KCNJ12: variants seen among roughly 807,000 people sequenced by gnomAD.
The protein encoded by KCNJ12 is potassium inwardly rectifying channel subfamily J member 12.
KCNJ12 carries 2 observed loss-of-function variants against 22.3 expected under a neutral mutation model. That is an observed-to-expected ratio of 0.09 (90% CI 0.04 to 0.28). The LOEUF is 0.28. KCNJ12 is among the 10% of genes least tolerant of loss of function. KCNJ12 has a pLI of 1.00. For synonymous variants in KCNJ12, 117 were observed against 261.4 expected, an observed-to-expected ratio of 0.45 and a Z score of 5.33; for missense variants, 155 against 633.3, an observed-to-expected ratio of 0.24 and a Z score of 8.11.
At chr17:21,399,475 A>G (rs539117643) in intron 1 of KCNJ12, among the ~76,000 whole-genome samples, 1 of 152,276 alleles carries the variant, frequency 6.6e-6, no homozygotes, top group South Asian at 2.1e-4. Context: ...GTCCTGCTAG[A>G]TCCCAGCTCA....
chr17:21,384,316 C>G (rs1218193150), intron 1 of KCNJ12, among the ~76,000 whole-genome samples: 1 of 152,090 alleles, frequency 6.6e-6, no homozygotes, highest in South Asian at 2.1e-4. Context: ...ACAGAGCCAC[C>G]GAAGTCCGTG....
chr17:21,408,817 C>T (rs1242853090), intron 2 of KCNJ12, among the ~76,000 whole-genome samples, 177 bp downstream of exon 2: 264 of 151,738 alleles, frequency 1.7e-3, no homozygotes, highest in African/African-American at 6.1e-3. Flanking sequence ...CTCCATCCAT[C>T]CCCTCGCCCA....
At chr17:21,389,713 G>A (rs762728022) in intron 1 of KCNJ12, among the ~76,000 whole-genome samples, 5 of 152,094 alleles carry the variant, frequency 3.3e-5, no homozygotes, top group Non-Finnish European at 7.4e-5. Context: ...CTGGCCCCAC[G>A]TGGGGGTTGG....
At chr17:21,406,290 C>T in intron 1 of KCNJ12, among the ~76,000 whole-genome samples, 1 of 150,904 alleles carries the variant, frequency 6.6e-6, no homozygotes, top group Non-Finnish European at 1.5e-5. Context: ...AGGGCTTGCA[C>T]AGTGTTGGCC....
At position 21,400,620 on chromosome 17, in the gene KCNJ12, C is replaced by T. The variant is rs1905553327; in HGVS notation, c.-178-7899C>T. ...GATGGGTGGGCGAGGGGCCAGGCTG[C>T]CCTGTCCTTTCCCGACAAGGCCCTG... On this transcript the variant is annotated intron_variant, in intron 1 of 2. Coordinates refer to ENST00000583088, the MANE Select transcript of KCNJ12 (RefSeq NM_021012.5). 5.9e-5 allele frequency among the ~76,000 whole-genome samples: 9 copies of T among 152,422 alleles called. No individual in the cohort carries two copies. The South Asian group carries it at 1.7e-3, about 28-fold the overall frequency.
intron 1 of KCNJ12, among the ~76,000 whole-genome samples, chr17:21,386,998 C>T (rs1555558726): frequency 6.6e-6 from 1 of 152,202 alleles, no homozygotes; most frequent in East Asian, 1.9e-4. Flanking sequence ...TGCCACCCTG[C>T]ATCCTTTTTC....
At chr17:21,386,447 T>C (rs1378775636) in intron 1 of KCNJ12, among the ~76,000 whole-genome samples, 1 of 152,224 alleles carries the variant, frequency 6.6e-6, no homozygotes, top group Non-Finnish European at 1.5e-5. Context: ...CCCAAGTAGC[T>C]GGGACTACAG....
Position 21,416,999 on chromosome 17 carries a change from C to G in KCNJ12, c.*355C>G, listed in dbSNP as rs1174579796. 3 of 363,502 alleles carry G rather than the reference C, an allele frequency of 8.3e-6. No homozygotes were observed. The highest frequency in any genetic ancestry group is 5.2e-6 in the Non-Finnish European group (1 of 193,046). 22.5% of individuals were successfully genotyped at this position (363,502 alleles called of 1,614,324 possible). A position where few individuals can be genotyped will look rare whatever the true frequency, so the allele number is the denominator to read the frequency against. ...TCTGCTGTCCAAGGCTGGCTAGCTG[C>G]GGTGCTCCTTGCTGGTTTTTAACTT... On this transcript the variant is annotated 3_prime_UTR_variant, in exon 3 of 3. Coordinates refer to ENST00000583088, the MANE Select transcript of KCNJ12 (RefSeq NM_021012.5).
intron 1 of KCNJ12, among the ~76,000 whole-genome samples, chr17:21,392,232 A>C (rs1359682191): frequency 6.6e-6 from 1 of 152,220 alleles, no homozygotes; most frequent in East Asian, 1.9e-4. Flanking sequence ...CCACTGGACC[A>C]CTGGACCTAC....
intron 2 of KCNJ12, among the ~76,000 whole-genome samples, chr17:21,411,719 T>C (rs1490617949): frequency 1.3e-5 from 2 of 152,304 alleles, no homozygotes; most frequent in Non-Finnish European, 2.9e-5. Context: ...ACAGTTTCTC[T>C]GATTTCATGT....
chr17:21,401,310 G>T (rs1905611655), intron 1 of KCNJ12, among the ~76,000 whole-genome samples: 1 of 152,248 alleles, frequency 6.6e-6, no homozygotes, highest in Middle Eastern at 3.2e-3. Flanking sequence ...CTCACACCTG[G>T]CTGTTGTGTG....
intron 1 of KCNJ12, among the ~76,000 whole-genome samples, chr17:21,402,302 C>T (rs1181456441): frequency 1.3e-5 from 2 of 152,294 alleles, no homozygotes; most frequent in African/African-American, 4.8e-5. Flanking sequence ...CTGGAATAGT[C>T]TCCACCCGTC....
chr17:21,395,953 G>A (rs1278067266), intron 1 of KCNJ12, among the ~76,000 whole-genome samples: 1 of 152,200 alleles, frequency 6.6e-6, no homozygotes, highest in Non-Finnish European at 1.5e-5. Flanking sequence ...GCCCTGCTGT[G>A]TGGCTCAGGC....
intron 1 of KCNJ12, among the ~76,000 whole-genome samples, chr17:21,398,736 C>A (rs1440933809): frequency 1.3e-5 from 2 of 152,246 alleles, no homozygotes; most frequent in African/African-American, 4.8e-5. Flanking sequence ...ATAGAACACA[C>A]CCTTATCCTA....
chr17:21,409,977 G>A (rs1210811368), intron 2 of KCNJ12, among the ~76,000 whole-genome samples: 3 of 152,138 alleles, frequency 2.0e-5, no homozygotes, highest in Admixed American at 2.0e-4. Flanking sequence ...GGGTGTAAGA[G>A]GTCATCATCT....
intron 2 of KCNJ12, among the ~76,000 whole-genome samples, chr17:21,411,485 A>T (rs1349048578): frequency 6.6e-6 from 1 of 152,254 alleles, no homozygotes; most frequent in East Asian, 1.9e-4. Flanking sequence ...CAGGTAGTGT[A>T]CCCCAGCGCC....
intron 1 of KCNJ12, among the ~76,000 whole-genome samples, chr17:21,389,272 CCT>C (rs1480218124): frequency 1.3e-5 from 2 of 152,214 alleles, no homozygotes; most frequent in Non-Finnish European, 2.9e-5. Flanking sequence ...GGTCCAGGCA[CCT>C]CTTTCTTGCC....
chr17:21,388,688 C>T (rs1221089443), intron 1 of KCNJ12, among the ~76,000 whole-genome samples: 3 of 152,358 alleles, frequency 2.0e-5, no homozygotes, highest in South Asian at 4.1e-4. Flanking sequence ...CCAGCGGCGG[C>T]TGGTGCCAGG....
chr17:21,418,684 C>T lies in KCNJ12; in HGVS notation c.*2040C>T, dbSNP rs1906982037. On this transcript the variant is annotated 3_prime_UTR_variant, in exon 3 of 3. Transcript: ENST00000583088. ...TCCTCTCGGGGTCTGCCAGGGGTGCCTCAGCTGGTTCCTGCTCCCAGGCCT... is the reference window on the plus strand; with the variant it reads ...TCCTCTCGGGGTCTGCCAGGGGTGCTTCAGCTGGTTCCTGCTCCCAGGCCT... 1 of 167,668 alleles carries T rather than the reference C, an allele frequency of 6.0e-6. No individual in the cohort carries two copies. The highest frequency in any genetic ancestry group is 6.5e-5 in the Admixed American group (1 of 15,302). 10.4% of individuals were successfully genotyped at this position (167,668 alleles called of 1,614,324 possible).
Sources: allele counts gnomAD v4.1 joint callset (sites outside exome capture counted in the v4.1 genomes callset), GRCh38; gene constraint gnomAD v4.1.1; transcripts MANE v1.5; gene names NCBI Gene and HGNC (gene_info 2026-07-23, HGNC 2026-07-21).